Variants in N4BP2 observed in about 807,000 individuals in gnomAD.
The protein encoded by N4BP2 is NEDD4 binding protein 2.
In N4BP2, 91 loss-of-function variants were observed where a neutral mutation model predicts 152.8. The observed-to-expected ratio is 0.60, with a 90% confidence interval of 0.50 to 0.71. N4BP2 has a LOEUF of 0.71. Among genes scored for constraint, N4BP2 ranks in the 30% least tolerant of loss-of-function variants. The probability of loss-of-function intolerance (pLI) is 0.00; values close to 1 mark genes in which losing one functional copy is unlikely to be tolerated. For missense variants in N4BP2, 1,923 were observed against 2,059.1 expected, an observed-to-expected ratio of 0.93 and a Z score of 1.28; for synonymous variants, 646 against 705.3, an observed-to-expected ratio of 0.92 and a Z score of 1.33.
In N4BP2 at chr4:40,154,296, C is replaced by A; in HGVS notation, c.*59C>A. 9.2e-7 allele frequency: 1 copy of A among 1,088,520 alleles called. No homozygotes were observed. The highest frequency in any genetic ancestry group is 1.4e-6 in the Non-Finnish European group (1 of 738,778). 67.4% of individuals were successfully genotyped at this position (1,088,520 alleles called of 1,614,324 possible). The stretch of plus-strand genomic sequence containing the variant: ...TGTAGGTTAAAATTACTTTTATTTG[C>A]AGTAATTCAGTCAATTCTACCCTAA... On this transcript the variant is annotated 3_prime_UTR_variant, in exon 18 of 18. Coordinates refer to ENST00000261435, the MANE Select transcript of N4BP2 (RefSeq NM_018177.6).
rs571819670 is a variant in N4BP2 at position 40,125,818 on chromosome 4, C to T, written c.4331-316C>T. ...AGGAGAATTGCTTGAACCTGGGAGG[C>T]GGAGGTTGCAGTGAGCCGAGACTGC... On this transcript the variant is annotated intron_variant, in intron 11 of 17. Coordinates refer to ENST00000261435, the MANE Select transcript of N4BP2 (RefSeq NM_018177.6). 4.8e-3 allele frequency among the ~76,000 whole-genome samples: 698 copies of T among 144,744 alleles called. 6 individuals are homozygous for T. The highest frequency in any genetic ancestry group is 0.016 in the African/African-American group (636 of 38,918). 95.0% of individuals were successfully genotyped at this position (144,744 alleles called of 152,430 possible). A position where few individuals can be genotyped will look rare whatever the true frequency, so the allele number is the denominator to read the frequency against.
chr4:40,092,440 CT>C (rs1409214984), intron 2 of N4BP2, among the ~76,000 whole-genome samples: 6 of 151,876 alleles, frequency 4.0e-5, no homozygotes, highest in Middle Eastern at 6.8e-3. Context: ...TCATAGTTTA[CT>C]TTATTAGCCT....
intron 17 of N4BP2, among the ~76,000 whole-genome samples, chr4:40,153,696 A>C (rs1480895481): frequency 6.6e-6 from 1 of 152,220 alleles, no homozygotes; most frequent in Non-Finnish European, 1.5e-5. Context: ...AGCATAAAAC[A>C]GGTGACATCA....
intron 11 of N4BP2, among the ~76,000 whole-genome samples, chr4:40,125,065 A>T (rs143617683): frequency 1.7e-3 from 261 of 152,296 alleles, no homozygotes; most frequent in African/African-American, 5.9e-3. Flanking sequence ...GTTCCTCCAC[A>T]TGCCTCTGTT....
At chr4:40,141,678 A>G (rs1345529582) in intron 14 of N4BP2, among the ~76,000 whole-genome samples, 1 of 152,010 alleles carries the variant, frequency 6.6e-6, no homozygotes, top group Non-Finnish European at 1.5e-5. Flanking sequence ...CACTTCCCAG[A>G]CGGGGTGGCG....
intron 14 of N4BP2, among the ~76,000 whole-genome samples, chr4:40,141,575 C>T (rs1344687822): frequency 2.6e-5 from 4 of 151,134 alleles, no homozygotes; most frequent in African/African-American, 4.9e-5. Context: ...GGATGGCAGC[C>T]GGGCAGAGAC....
chr4:40,082,232 C>T (rs28416588), intron 2 of N4BP2, among the ~76,000 whole-genome samples: 3 of 141,936 alleles, frequency 2.1e-5, no homozygotes, highest in African/African-American at 5.2e-5. Flanking sequence ...GCCGAGATGG[C>T]GCCACTGCAC....
rs1487795803 is a variant in N4BP2 at position 40,156,697 on chromosome 4, T to A, written c.*2460T>A. 1 of 151,476 alleles carries A rather than the reference T, an allele frequency of 6.6e-6. No individual in the cohort carries two copies. Among genetic ancestry groups the A allele is most frequent in the African/African-American group, 2.4e-5 (1 of 41,394 alleles). 9.4% of individuals were successfully genotyped at this position (151,476 alleles called of 1,614,324 possible). On this transcript the variant is annotated 3_prime_UTR_variant, in exon 18 of 18. Coordinates refer to ENST00000261435, the MANE Select transcript of N4BP2 (RefSeq NM_018177.6). ...AAAGATAGTTTGGAGATTATAAAAA[T>A]TTTCATGTATTGGTGTAGGTTGAGT...
chr4:40,084,842 C>T (rs572563544), intron 2 of N4BP2, among the ~76,000 whole-genome samples: 3 of 150,366 alleles, frequency 2.0e-5, no homozygotes, highest in South Asian at 4.2e-4. Flanking sequence ...CTTGAACTCC[C>T]GACCTCAGGT....
At position 40,056,960 on chromosome 4, in the gene N4BP2, C is replaced by G. The variant is rs561862121; in HGVS notation, c.-282C>G. 6.6e-6 allele frequency: 1 copy of G among 152,208 alleles called. No homozygotes were observed. The highest frequency in any genetic ancestry group is 2.4e-5 in the African/African-American group (1 of 41,548). 9.4% of individuals were successfully genotyped at this position (152,208 alleles called of 1,614,324 possible). ...GGCGCCGGCGGGAAAGGGCTGCGGA[C>G]CTGCGGCGCCGCGTTGTGCGTTCGA... On this transcript the variant is annotated 5_prime_UTR_variant, in exon 1 of 18. Coordinates refer to ENST00000261435, the MANE Select transcript of N4BP2 (RefSeq NM_018177.6).
chr4:40,087,236 T>C (rs557861058), intron 2 of N4BP2, among the ~76,000 whole-genome samples: 3 of 152,182 alleles, frequency 2.0e-5, no homozygotes, highest in Admixed American at 6.5e-5. Context: ...CTTCCTCTTA[T>C]GTTTCTTTCC....
chr4:40,092,395 G>A (rs1010386385), intron 2 of N4BP2, among the ~76,000 whole-genome samples: 2 of 151,318 alleles, frequency 1.3e-5, no homozygotes, highest in Non-Finnish European at 2.9e-5. Flanking sequence ...TGAGACATTG[G>A]TCCATTTCAT....
At chr4:40,176,089 CAAAAA>C in the N4BP2 span, among the ~76,000 whole-genome samples, 5 of 83,502 alleles carry the variant, frequency 6.0e-5, no homozygotes, top group Admixed American at 1.3e-4. Context: ...GACTCCGTCT[CAAAAA>C]AAAAAAAAAA....
chr4:40,125,471 T>C lies in N4BP2; in HGVS notation c.4331-663T>C, dbSNP rs576165498. ...TGGCCAGAGCAGACTGTAGCTGTTA[T>C]GGTTGCTCACTTCCAGCTGGCTACA... On this transcript the variant is annotated intron_variant, in intron 11 of 17. Transcript: ENST00000261435. 7.7e-4 allele frequency among the ~76,000 whole-genome samples: 118 copies of C among 152,346 alleles called. 1 individual carries two copies. The highest frequency in any genetic ancestry group is 5.7e-4 in the Non-Finnish European group (39 of 68,028).
the N4BP2 span, among the ~76,000 whole-genome samples, chr4:40,175,293 G>T: frequency 6.9e-6 from 1 of 145,614 alleles, no homozygotes; most frequent in African/African-American, 2.6e-5. Context: ...AAAGTGCTAG[G>T]ATTATAGGCA....
At chr4:40,093,323 G>T (rs2109944585) in intron 2 of N4BP2, among the ~76,000 whole-genome samples, 1 of 152,164 alleles carries the variant, frequency 6.6e-6, no homozygotes, top group African/African-American at 2.4e-5. Context: ...CTTATGGTGG[G>T]GGCTTAGATT....
chr4:40,168,703 G>T, the N4BP2 span, among the ~76,000 whole-genome samples: 1 of 151,468 alleles, frequency 6.6e-6, no homozygotes, highest in African/African-American at 2.4e-5. Flanking sequence ...ATTCTTCAGA[G>T]AATAAATATG....
At chr4:40,158,880 T>TA (rs990035915), downstream of N4BP2, among the ~76,000 whole-genome samples, 3 of 152,186 alleles carry the variant, frequency 2.0e-5, no homozygotes, top group African/African-American at 7.2e-5. Context: ...TGCAAGGACT[T>TA]AAAAACATTT....
At position 40,154,272 on chromosome 4, in the gene N4BP2, G is replaced by A; in HGVS notation, c.*35G>A. The stretch of plus-strand genomic sequence containing the variant: ...CCTTGAATTAGAAGTATGAAGGTTT[G>A]TAGGTTAAAATTACTTTTATTTGCA... On this transcript the variant is annotated 3_prime_UTR_variant, in exon 18 of 18. Transcript: ENST00000261435. The A allele has an allele frequency of 6.9e-7, 1 of 1,458,650 alleles. No individual in the cohort carries two copies. The highest frequency in any genetic ancestry group is 9.4e-7 in the Non-Finnish European group (1 of 1,063,096). 90.4% of individuals were successfully genotyped at this position (1,458,650 alleles called of 1,614,324 possible). A position where few individuals can be genotyped will look rare whatever the true frequency, so the allele number is the denominator to read the frequency against.
Sources: gnomAD v4.1 joint callset for allele counts (sites outside exome capture counted in the v4.1 genomes callset) on GRCh38, gnomAD v4.1.1 for gene constraint, MANE v1.5 for transcripts, NCBI Gene and HGNC (gene_info 2026-07-23, HGNC 2026-07-21) for gene names.